GZMM: variants seen among roughly 807,000 people sequenced by gnomAD.
GZMM encodes granzyme M.
Under a neutral mutation model 19.2 loss-of-function variants are expected in GZMM, and 23 were observed. That is an observed-to-expected ratio of 1.20 (90% CI 0.86 to 1.69). The LOEUF (loss-of-function observed/expected upper bound fraction) is 1.69, where lower values mean the gene tolerates loss of function less well. Among genes scored for constraint, GZMM ranks in the 40% most tolerant of loss-of-function variants. The pLI, the probability that GZMM is intolerant of heterozygous loss-of-function variation, is 0.00. For missense variants in GZMM, 373 were observed against 352.2 expected, an observed-to-expected ratio of 1.06 and a Z score of -0.47; for synonymous variants, 178 against 160.2, an observed-to-expected ratio of 1.11 and a Z score of -0.84.
chr19:549,864 TGAGGACGGGTGGG>T lies in GZMM; in HGVS notation c.*74_*86del. 1.2e-6 allele frequency: 1 copy of T among 841,992 alleles called. No homozygotes were observed. The highest frequency in any genetic ancestry group is 2.0e-5 in the Admixed American group (1 of 50,234). 52.2% of individuals were successfully genotyped at this position (841,992 alleles called of 1,614,324 possible). On this transcript the variant is annotated 3_prime_UTR_variant, in exon 5 of 5. Coordinates refer to ENST00000264553, the MANE Select transcript of GZMM (RefSeq NM_005317.4). ...CCCTCCAGGGGTGCAGTGGGGTGGG[TGAGGACGGGTGGG>T]AGGGACAGGGAGGGACCAATAAATC...
rs1356636942 is a variant in GZMM, at chr19:549,067, A to G, written c.494A>G (p.Glu165Gly). Residue 165 changes from glutamate (E) to glycine (G), a missense_variant, in exon 4 of 5, where the codon GAG becomes GGG. Transcript: ENST00000264553. ...GGGCGCCTGTCCCGGGTGCTGCGGG[A>G]GCTGGACCTCCAAGTGCTGGACACC... The part of the protein sequence containing the change: ...QGGRLSRVLR[E>G]LDLQVLDTRM... 1 of 1,591,276 alleles carries G rather than the reference A, an allele frequency of 6.3e-7. No individual in the cohort carries two copies. Among genetic ancestry groups the G allele is most frequent in the East Asian group, 2.3e-5 (1 of 43,966 alleles).
In GZMM at chr19:549,743, G is replaced by A; in HGVS notation, c.726G>A (p.Val242=). The A allele has an allele frequency of 6.2e-7, 1 of 1,613,682 alleles. No individual in the cohort carries two copies. Among genetic ancestry groups the A allele is most frequent in the Non-Finnish European group, 8.5e-7 (1 of 1,179,932 alleles). The change falls in exon 5 of 5, where the codon GTG becomes GTA. Residue 242 remains valine, a synonymous_variant. Coordinates refer to ENST00000264553, the MANE Select transcript of GZMM (RefSeq NM_005317.4). ...DIFKPPVATA[V]APYVSWIRKV... is the part of the protein sequence containing the mutation. ...TCAAGCCTCCCGTGGCCACCGCTGT[G>A]GCGCCTTACGTGTCCTGGATCAGGA...
rs1412261179 is a variant in GZMM at position 544,101 on chromosome 19, G to T, written c.30G>T (p.Val10=). The T allele has an allele frequency of 5.2e-6, 8 of 1,550,502 alleles. No homozygotes were observed. Among genetic ancestry groups the T allele is most frequent in the Non-Finnish European group, 7.0e-6 (8 of 1,147,700 alleles). The change falls in exon 1 of 5, where the codon GTG becomes GTT. Residue 10 remains valine (V), a synonymous_variant. Transcript: ENST00000264553. ...AGGCCTGCGTGTCTTCACTGCTGGT[G>T]CTGGCCCTGGGGGCCCTGTCAGTAG... MEACVSSLL[V]LALGALSVGS...
chr19:548,879 C>T, intron 3 of GZMM, 43 bp from the exon 4 acceptor site: 1 of 1,263,712 alleles, frequency 7.9e-7, no homozygotes, highest in Non-Finnish European at 1.1e-6. Flanking sequence ...CCCGCACTCT[C>T]ACCCCCTCCC....
At chr19:547,555 G>C in intron 2 of GZMM, 119 bp downstream of exon 2, 1 of 765,236 alleles carries the variant, frequency 1.3e-6, no homozygotes, top group Non-Finnish European at 1.8e-6. Flanking sequence ...GTCCCCTCCC[G>C]GTGACGACTT....
chr19:549,846 G>GGGGAA lies in GZMM; in HGVS notation c.*58_*59insAAGGG. ...GTCTCCACAGGACCCTTCCCCTCCA[G>GGGGAA]GGGTGCAGTGGGGTGGGTGAGGACG... On this transcript the variant is annotated 3_prime_UTR_variant, in exon 5 of 5. Coordinates refer to ENST00000264553, the MANE Select transcript of GZMM (RefSeq NM_005317.4). 3.2e-6 allele frequency: 4 copies of GGGGAA among 1,268,850 alleles called. No homozygotes were observed. The highest frequency in any genetic ancestry group is 4.5e-6 in the Non-Finnish European group (4 of 887,902). 78.6% of individuals were successfully genotyped at this position (1,268,850 alleles called of 1,614,324 possible).
chr19:547,034 G>C (rs1980310306), intron 1 of GZMM, among the ~76,000 whole-genome samples: 1 of 149,344 alleles, frequency 6.7e-6, no homozygotes, highest in Non-Finnish European at 1.5e-5. Context: ...AGTGGGGCCT[G>C]GGGAGGTCCT....
In GZMM at chr19:548,584, C is replaced by T. The variant is rs2145860588; in HGVS notation, c.255C>T (p.Asp85=). The change falls in exon 3 of 5, where the codon GAC becomes GAT. Residue 85 remains aspartate, a synonymous_variant. Coordinates refer to ENST00000264553, the MANE Select transcript of GZMM (RefSeq NM_005317.4). Reference sequence around the variant, plus strand: ...TGGTGCTGGGGCTCCACACCCTGGACAGCCCCGGTCTCACCTTCCACATCA... The same window carrying T: ...TGGTGCTGGGGCTCCACACCCTGGATAGCCCCGGTCTCACCTTCCACATCA... The part of the protein sequence containing the change: ...LRLVLGLHTL[D]SPGLTFHIKA... The T allele has an allele frequency of 6.2e-7, 1 of 1,613,216 alleles. No homozygotes were observed. The highest frequency in any genetic ancestry group is 1.1e-5 in the South Asian group (1 of 91,068).
At chr19:549,493 C>T (rs887355076) in intron 4 of GZMM, 137 bp from the exon 5 acceptor site, 19 of 885,020 alleles carry the variant, frequency 2.1e-5, no homozygotes, top group Non-Finnish European at 3.0e-5. Flanking sequence ...GGAGGGGACA[C>T]GCGTGGGCCG....
chr19:548,782 GCTGCCCCTCCCCCCGCACTA>G (rs1292218565), intron 3 of GZMM, 105 bp downstream of exon 3: 3 of 581,810 alleles, frequency 5.2e-6, no homozygotes, highest in African/African-American at 8.7e-5. Context: ...CCCCCGCACT[GCTGCCCCTCCCCCCGCACTA>G]CTGCCCCCTC....
chr19:545,838 TTTCACCGTGTTAGCCAGGA>T (rs1980259346), intron 1 of GZMM, among the ~76,000 whole-genome samples: 1 of 151,276 alleles, frequency 6.6e-6, no homozygotes, highest in Non-Finnish European at 1.5e-5. Flanking sequence ...AGAGACGGGG[TTTCACCGTGTTAGCCAGGA>T]TGGTCTCGAT....
chr19:548,846 T>TC, intron 3 of GZMM, 76 bp from the exon 4 acceptor site: 1 of 297,504 alleles, frequency 3.4e-6, no homozygotes. Context: ...CTGCCACCCC[T>TC]CCCCCCGCTG....
chr19:544,649 CGTCA>C (rs1163088270), intron 1 of GZMM, among the ~76,000 whole-genome samples: 3 of 151,816 alleles, frequency 2.0e-5, no homozygotes, highest in Non-Finnish European at 2.9e-5. Context: ...GGAATCCAGC[CGTCA>C]GTCATCATCA....
In GZMM at chr19:547,284, C is replaced by T. The variant is rs1980321104; in HGVS notation, c.60C>T (p.Ser20=). The stretch of plus-strand genomic sequence containing the variant: ...CTTTGTCCCCCATCCTGGCAGGCAG[C>T]TCCTTTGGGACCCAGATCATCGGGG... ...VLALGALSVG[S]SFGTQIIGGR... is the part of the protein sequence containing the mutation. Residue 20 remains serine, a synonymous_variant, in exon 2 of 5, where the codon AGC becomes AGT. Coordinates refer to ENST00000264553, the MANE Select transcript of GZMM (RefSeq NM_005317.4). 4.0e-6 allele frequency: 6 copies of T among 1,517,452 alleles called. No homozygotes were observed. The highest frequency in any genetic ancestry group is 1.3e-5 in the South Asian group (1 of 77,826). 94.0% of individuals were successfully genotyped at this position (1,517,452 alleles called of 1,614,324 possible). A position where few individuals can be genotyped will look rare whatever the true frequency, so the allele number is the denominator to read the frequency against.
In GZMM at chr19:549,054, C is replaced by T. The variant is rs369292401; in HGVS notation, c.481C>T (p.Arg161Trp). 77 of 1,593,692 alleles carry T rather than the reference C, an allele frequency of 4.8e-5. 1 individual carries two copies. The highest frequency in any genetic ancestry group is 2.7e-4 in the East Asian group (12 of 44,056). Reference sequence around the variant, plus strand: ...GACCCACCAGGGCGGGCGCCTGTCCCGGGTGCTGCGGGAGCTGGACCTCCA... The same window carrying T: ...GACCCACCAGGGCGGGCGCCTGTCCTGGGTGCTGCGGGAGCTGGACCTCCA... Reference protein sequence around the residue: ...GLTHQGGRLSRVLRELDLQVL... With the variant: ...GLTHQGGRLSWVLRELDLQVL... The change falls in exon 4 of 5, where the codon CGG (arginine) becomes TGG (tryptophan). Residue 161 changes from arginine to tryptophan, a missense_variant. Transcript: ENST00000264553.
At chr19:544,185 T>C (rs1600436676) in intron 1 of GZMM, 59 bp downstream of exon 1, 1 of 1,423,732 alleles carries the variant, frequency 7.0e-7, no homozygotes, top group Non-Finnish European at 9.6e-7. Context: ...GGTGGGTCCC[T>C]GGATGGGAGG....
At chr19:549,234 C>T (rs771773237) in intron 4 of GZMM, 49 bp downstream of exon 4, 90 of 1,510,092 alleles carry the variant, frequency 6.0e-5, no homozygotes, top group Middle Eastern at 2.3e-4. Context: ...GCGGGAGGGC[C>T]GGGGCCAGGG....
At chr19:545,154 G>A (rs970762299) in intron 1 of GZMM, among the ~76,000 whole-genome samples, 21 of 124,574 alleles carry the variant, frequency 1.7e-4, no homozygotes, top group Non-Finnish European at 8.5e-5. Flanking sequence ...TGCAGGGCTC[G>A]TGCTGTTCTA....
rs1320552452 is a variant in GZMM, at chr19:549,843, C to G, written c.*52C>G. The G allele has an allele frequency of 7.8e-6, 11 of 1,410,186 alleles. No individual in the cohort carries two copies. Among genetic ancestry groups the G allele is most frequent in the South Asian group, 2.3e-5 (2 of 85,928 alleles). 87.4% of individuals were successfully genotyped at this position (1,410,186 alleles called of 1,614,324 possible). ...GCTGTCTCCACAGGACCCTTCCCCT[C>G]CAGGGGTGCAGTGGGGTGGGTGAGG... On this transcript the variant is annotated 3_prime_UTR_variant, in exon 5 of 5. Transcript: ENST00000264553.
Sources: allele counts gnomAD v4.1 joint callset (sites outside exome capture counted in the v4.1 genomes callset), GRCh38; gene constraint gnomAD v4.1.1; transcripts MANE v1.5; gene names NCBI Gene and HGNC (gene_info 2026-07-23, HGNC 2026-07-21).